The following PCDHA8 variants were observed in gnomAD, a reference collection of about 807,000 sequenced individuals.
The protein encoded by PCDHA8 is protocadherin alpha-8.
In PCDHA8, 53 loss-of-function variants were observed where a neutral mutation model predicts 61.8. The observed-to-expected ratio is 0.86, with a 90% CI of 0.69 to 1.08. The LOEUF is 1.08. Among genes scored for constraint, PCDHA8 ranks in the 50% least tolerant of loss-of-function variants. The pLI, the probability that PCDHA8 is intolerant of heterozygous loss-of-function variation, is 0.00. For missense variants in PCDHA8, 1,293 were observed against 1,245.0 expected (o/e 1.04, Z -0.58); for synonymous variants, 618 against 556.6 (o/e 1.11, Z -1.55).
intron 1 of PCDHA8, among the ~76,000 whole-genome samples, chr5:140,892,759 T>C (rs1422670120): frequency 2.0e-5 from 3 of 152,206 alleles, no homozygotes; most frequent in African/African-American, 4.8e-5. Context: ...ACATTTAAAA[T>C]CCACTCTTCT....
intron 1 of PCDHA8, among the ~76,000 whole-genome samples, chr5:140,854,943 T>C (rs1157657888): frequency 6.7e-6 from 1 of 149,922 alleles, no homozygotes; most frequent in East Asian, 1.9e-4. Flanking sequence ...GCAGAAATAA[T>C]AAATTTCTTA....
intron 1 of PCDHA8, among the ~76,000 whole-genome samples, chr5:140,902,520 T>C (rs1350068201): frequency 6.6e-6 from 1 of 152,116 alleles, no homozygotes; most frequent in Non-Finnish European, 1.5e-5. Context: ...TATATGGTTT[T>C]TATTATGTTG....
intron 1 of PCDHA8, chr5:140,883,938 A>C (rs782647232): frequency 6.2e-7 from 1 of 1,613,360 alleles, no homozygotes; most frequent in East Asian, 2.2e-5. Context: ...TTCGTGCTGG[A>C]CGAGAACGAC....
chr5:140,920,630 G>A (rs937787340), intron 1 of PCDHA8, among the ~76,000 whole-genome samples: 1 of 152,060 alleles, frequency 6.6e-6, no homozygotes, highest in Non-Finnish European at 1.5e-5. Flanking sequence ...TGGATCACAA[G>A]GTCAAGAGAT....
At chr5:141,004,573 G>A (rs2098171340) in intron 3 of PCDHA8, among the ~76,000 whole-genome samples, 1 of 152,220 alleles carries the variant, frequency 6.6e-6, no homozygotes, top group South Asian at 2.1e-4. Context: ...ATATCTCTGT[G>A]TTCTGCATCT....
chr5:140,900,095 C>G (rs1299633318), intron 1 of PCDHA8, among the ~76,000 whole-genome samples: 1 of 152,160 alleles, frequency 6.6e-6, no homozygotes, highest in Non-Finnish European at 1.5e-5. Flanking sequence ...CAAGCATGCG[C>G]CACCATACCT....
chr5:140,982,615 A>G, intron 3 of PCDHA8, 52 bp downstream of exon 3: 1 of 1,596,392 alleles, frequency 6.3e-7, no homozygotes, highest in Non-Finnish European at 8.6e-7. Context: ...AAGTGATCAG[A>G]TGACCTACTT....
At chr5:140,853,884 T>G in intron 1 of PCDHA8, 1 of 980,606 alleles carries the variant, frequency 1.0e-6, no homozygotes, top group South Asian at 4.8e-5. Flanking sequence ...TTTCTGTAAT[T>G]TAAAAAGATG....
At chr5:140,843,783 T>C in intron 1 of PCDHA8, 68 bp downstream of exon 1, 1 of 1,421,268 alleles carries the variant, frequency 7.0e-7, no homozygotes, top group Admixed American at 2.1e-5. Context: ...TAAAAGTGTT[T>C]CAGATTTAGT....
rs2150354903 is a variant in PCDHA8, at chr5:140,843,188, C to T, written c.1867C>T (p.Arg623Cys). 6.3e-7 allele frequency: 1 copy of T among 1,596,014 alleles called. No homozygotes were observed. Among genetic ancestry groups the T allele is most frequent in the Non-Finnish European group, 8.6e-7 (1 of 1,165,600 alleles). Residue 623 changes from arginine to cysteine, a missense_variant, in exon 1 of 4, where the codon CGC (arginine) becomes TGC (cysteine). Transcript: ENST00000531613. Reference protein sequence around the residue: ...PAASSPRIPFRVGLYTGEIST... With the variant: ...PAASSPRIPFCVGLYTGEIST... Reference sequence around the variant, plus strand: ...TGCAAGCAGCCCTCGCATCCCGTTCCGCGTGGGGCTGTACACGGGCGAGAT... The same window carrying T: ...TGCAAGCAGCCCTCGCATCCCGTTCTGCGTGGGGCTGTACACGGGCGAGAT...
chr5:140,888,441 A>G (rs2061829051), intron 1 of PCDHA8, among the ~76,000 whole-genome samples: 1 of 152,222 alleles, frequency 6.6e-6, no homozygotes, highest in African/African-American at 2.4e-5. Context: ...CAGCCGCCCA[A>G]CAATAAAGAA....
chr5:140,842,949 C>A lies in PCDHA8; in HGVS notation c.1628C>A (p.Pro543Gln), dbSNP rs2150348537. ...GTGAGCGCGCGCGACGCGGGCGTGC[C>A]GCCTCTGGGCAGCAACGTGACGCTG... ...FQVSARDAGVPPLGSNVTLQV... is the reference protein window; with the variant it reads ...FQVSARDAGVQPLGSNVTLQV... Residue 543 changes from proline to glutamine, a missense_variant, in exon 1 of 4, where the codon CCG becomes CAG. Pro to Gln is a moderately conservative substitution (Grantham distance 76, BLOSUM62 -1). Coordinates refer to ENST00000531613, the MANE Select transcript of PCDHA8 (RefSeq NM_018911.3). 3.3e-3 allele frequency: 5,193 copies of A among 1,594,666 alleles called. 424 individuals are homozygous for A. The African/African-American group carries it at 0.061, about 19-fold the overall frequency.
chr5:140,872,429 C>T (rs2053657736), intron 1 of PCDHA8, among the ~76,000 whole-genome samples: 1 of 152,028 alleles, frequency 6.6e-6, no homozygotes, highest in Non-Finnish European at 1.5e-5. Flanking sequence ...GAGTTCGAGG[C>T]CTGCCTGGAC....
intron 1 of PCDHA8, among the ~76,000 whole-genome samples, chr5:140,971,869 A>G (rs1277835883): frequency 1.3e-5 from 2 of 152,182 alleles, no homozygotes; most frequent in Non-Finnish European, 2.9e-5. Flanking sequence ...AACATCTAGC[A>G]TATGAGGAAA....
intron 1 of PCDHA8, among the ~76,000 whole-genome samples, chr5:140,872,352 C>T (rs568415263): frequency 7.2e-5 from 11 of 152,170 alleles, no homozygotes; most frequent in African/African-American, 2.7e-4. Context: ...TCTTGCCAGG[C>T]AAAGTGGTTC....
chr5:140,965,857 A>G (rs1563345275), intron 1 of PCDHA8, among the ~76,000 whole-genome samples: 1 of 152,220 alleles, frequency 6.6e-6, no homozygotes, highest in South Asian at 2.1e-4. Context: ...GCACACACTG[A>G]AAATAAGGGC....
At position 140,947,211 on chromosome 5, in the gene PCDHA8, T is replaced by A. The variant is rs562676640; in HGVS notation, c.2395-31738T>A. Among the ~76,000 whole-genome samples, 51 of 151,298 alleles carry A rather than the reference T, an allele frequency of 3.4e-4. 1 individual carries two copies. In the South Asian group the frequency reaches 0.011, roughly 32 times the overall value. On this transcript the variant is annotated intron_variant, in intron 1 of 3. Transcript: ENST00000531613. ...ACTACACAGCCTTAAAAAAAGAAAA[T>A]CCTGTCATTTATGACAGGAAAAAAA...
Position 140,843,038 on chromosome 5 carries a change from A to T in PCDHA8, c.1717A>T (p.Thr573Ser). The T allele has an allele frequency of 6.3e-7, 1 of 1,595,166 alleles. No individual in the cohort carries two copies. The highest frequency in any genetic ancestry group is 8.6e-7 in the Non-Finnish European group (1 of 1,165,358). ...PALLEPRVGG[T>S]GGAASKLVPR... ...ACTGCTGGAGCCTCGGGTGGGTGGCACTGGTGGCGCAGCGAGCAAGCTGGT... is the reference window on the plus strand; with the variant it reads ...ACTGCTGGAGCCTCGGGTGGGTGGCTCTGGTGGCGCAGCGAGCAAGCTGGT... The change falls in exon 1 of 4, where the codon ACT becomes TCT. Residue 573 changes from threonine (T) to serine (S), a missense_variant. Coordinates refer to ENST00000531613, the MANE Select transcript of PCDHA8 (RefSeq NM_018911.3).
chr5:141,002,135 G>A (rs1265359430), intron 3 of PCDHA8, among the ~76,000 whole-genome samples: 1 of 152,236 alleles, frequency 6.6e-6, no homozygotes, highest in African/African-American at 2.4e-5. Flanking sequence ...AGCCTTTGCC[G>A]GCTGCACTGA....
Sources: gnomAD v4.1 joint callset for allele counts (sites outside exome capture counted in the v4.1 genomes callset) on GRCh38, gnomAD v4.1.1 for gene constraint, MANE v1.5 for transcripts, NCBI Gene and HGNC (gene_info 2026-07-23, HGNC 2026-07-21) for gene names.